Variants in PKP4 observed in about 807,000 individuals in gnomAD.
PKP4 encodes the protein plakophilin 4, also known as plakophilin-4.
In PKP4, 90 loss-of-function variants were observed where a neutral mutation model predicts 145.1. That is an observed-to-expected ratio of 0.62 (90% CI 0.52 to 0.74). The LOEUF is 0.74. PKP4 is among the 30% of genes least tolerant of loss of function. The pLI is 0.00. For missense variants in PKP4, 1,340 were observed against 1,482.7 expected, an observed-to-expected ratio of 0.90 and a Z score of 1.58; for synonymous variants, 563 against 577.2, an observed-to-expected ratio of 0.98 and a Z score of 0.35.
At chr2:158,489,312 T>C (rs918188057) in intron 1 of PKP4, among the ~76,000 whole-genome samples, 10 of 152,232 alleles carry the variant, frequency 6.6e-5, no homozygotes, top group Admixed American at 1.3e-4. Flanking sequence ...TTTATAGTTA[T>C]GGAGTTTTAA....
intron 2 of PKP4, among the ~76,000 whole-genome samples, chr2:158,549,873 A>G (rs1329433054): frequency 1.3e-5 from 2 of 152,360 alleles, no homozygotes; most frequent in Non-Finnish European, 1.5e-5. Flanking sequence ...GTGAATTTAC[A>G]GAAACAAAAC....
rs568055334 is a variant in PKP4, at chr2:158,679,761, G to A, written c.3331-668G>A. On this transcript the variant is annotated intron_variant, in intron 21 of 21. Transcript: ENST00000389759. ...TTACAGATGGACTTAGCCCTGGCTT[G>A]GGGAAGCCTTTTCCTCTAGAACCAT... Among the ~76,000 whole-genome samples the A allele has an allele frequency of 2.6e-5, 4 of 152,302 alleles. No individual in the cohort carries two copies. The South Asian group carries it at 8.3e-4, about 32-fold the overall frequency.
At chr2:158,496,164 T>A (rs1303837188) in intron 1 of PKP4, among the ~76,000 whole-genome samples, 1 of 26,484 alleles carries the variant, frequency 3.8e-5, no homozygotes, top group East Asian at 3.7e-3. Flanking sequence ...GTATTTTTAG[T>A]AGAGACAGGT....
chr2:158,601,632 A>G (rs567091989), intron 3 of PKP4, among the ~76,000 whole-genome samples: 1 of 152,302 alleles, frequency 6.6e-6, no homozygotes, highest in Admixed American at 6.5e-5. Context: ...AAGGAACATC[A>G]CAGAGCCCTG....
At chr2:158,674,146 A>G in intron 19 of PKP4, 146 bp downstream of exon 19, 1 of 689,044 alleles carries the variant, frequency 1.5e-6, no homozygotes, top group Non-Finnish European at 2.6e-6. Flanking sequence ...GGAATCACAC[A>G]CCATTATAAA....
chr2:158,608,647 T>C (rs140571407), intron 4 of PKP4, among the ~76,000 whole-genome samples: 355 of 152,300 alleles, frequency 2.3e-3, no homozygotes, highest in Admixed American at 4.2e-3. Context: ...ATTTACTTTC[T>C]AATATTTTAA....
intron 2 of PKP4, 147 bp from the exon 3 acceptor site, chr2:158,577,124 C>T: frequency 1.9e-6 from 1 of 518,764 alleles, no homozygotes. Flanking sequence ...TCATTTATTT[C>T]ATCCAAAAAT....
chr2:158,642,992 A>G (rs377576877), intron 11 of PKP4, among the ~76,000 whole-genome samples: 141 of 152,320 alleles, frequency 9.3e-4, no homozygotes, highest in African/African-American at 3.2e-3. Flanking sequence ...TGTATTTCAT[A>G]GTAAATCTAG....
intron 7 of PKP4, among the ~76,000 whole-genome samples, chr2:158,631,387 GTATT>G (rs897307241): frequency 2.0e-5 from 3 of 151,776 alleles, no homozygotes; most frequent in African/African-American, 4.8e-5. Flanking sequence ...ATGTATATAT[GTATT>G]TATTTATTTT....
chr2:158,624,990 C>G lies in PKP4; in HGVS notation c.716C>G (p.Thr239Ser), dbSNP rs1429357493. 6.2e-7 allele frequency: 1 copy of G among 1,614,058 alleles called. No homozygotes were observed. The highest frequency in any genetic ancestry group is 8.5e-7 in the Non-Finnish European group (1 of 1,180,028). Residue 239 changes from threonine to serine, a missense_variant, in exon 7 of 22, where the codon ACT (threonine) becomes AGT (serine). Physicochemically the swap from Thr to Ser is moderately conservative, Grantham distance 58 (BLOSUM62 1). Transcript: ENST00000389759. Reference sequence around the variant, plus strand: ...TCTCCTTCAAGGGGGTCTCTGAGAACTTCTCTGGGTAGTGGATTTGGCTCT... The same window carrying G: ...TCTCCTTCAAGGGGGTCTCTGAGAAGTTCTCTGGGTAGTGGATTTGGCTCT... ...GVSPSRGSLRTSLGSGFGSPS... is the reference protein window; with the variant it reads ...GVSPSRGSLRSSLGSGFGSPS...
intron 1 of PKP4, among the ~76,000 whole-genome samples, chr2:158,462,799 G>C (rs910226569): frequency 6.6e-6 from 1 of 152,146 alleles, no homozygotes; most frequent in Admixed American, 6.5e-5. Context: ...TGTGGTCCTC[G>C]TTTTGCTCAT....
chr2:158,538,915 C>G (rs2044292952), intron 2 of PKP4, among the ~76,000 whole-genome samples: 2 of 152,102 alleles, frequency 1.3e-5, no homozygotes, highest in African/African-American at 2.4e-5. Context: ...TGAGGCCAAT[C>G]CAGATAGCAT....
chr2:158,607,465 G>T (rs1433346827), intron 4 of PKP4, among the ~76,000 whole-genome samples: 10 of 152,092 alleles, frequency 6.6e-5, no homozygotes, highest in Non-Finnish European at 1.5e-4. Context: ...GGATGATGAA[G>T]CACCCAAGAG....
chr2:158,619,711 A>G (rs958825708), intron 4 of PKP4, among the ~76,000 whole-genome samples: 1 of 152,206 alleles, frequency 6.6e-6, no homozygotes, highest in African/African-American at 2.4e-5. Flanking sequence ...TTGTTCAACA[A>G]ATATTTACTG....
At chr2:158,521,071 A>G (rs185544288) in intron 1 of PKP4, among the ~76,000 whole-genome samples, 1 of 152,210 alleles carries the variant, frequency 6.6e-6, no homozygotes, top group African/African-American at 2.4e-5. Context: ...CCAGATGCCT[A>G]TGTACAAGAG....
At chr2:158,519,548 A>G (rs942998802) in intron 1 of PKP4, among the ~76,000 whole-genome samples, 1 of 152,190 alleles carries the variant, frequency 6.6e-6, no homozygotes, top group South Asian at 2.1e-4. Context: ...AGTCTGGGAT[A>G]TACCATACTC....
At chr2:158,552,373 T>C (rs540223545) in intron 2 of PKP4, among the ~76,000 whole-genome samples, 10 of 152,344 alleles carry the variant, frequency 6.6e-5, no homozygotes, top group African/African-American at 1.2e-4. Context: ...TGATTCGTTA[T>C]AGCAGCCATA....
chr2:158,626,966 C>G (rs1009812803), intron 7 of PKP4, among the ~76,000 whole-genome samples: 1 of 152,058 alleles, frequency 6.6e-6, no homozygotes, highest in African/African-American at 2.4e-5. Context: ...GTTTAACATT[C>G]TTACATAGTA....
chr2:158,479,489 G>A (rs1273316627), intron 1 of PKP4, among the ~76,000 whole-genome samples: 2 of 152,166 alleles, frequency 1.3e-5, no homozygotes, highest in African/African-American at 4.8e-5. Flanking sequence ...CTCCCAAAGT[G>A]CTGGGATTAC....
Sources: allele counts gnomAD v4.1 joint callset (sites outside exome capture counted in the v4.1 genomes callset), GRCh38; gene constraint gnomAD v4.1.1; transcripts MANE v1.5; gene names NCBI Gene and HGNC (gene_info 2026-07-23, HGNC 2026-07-21).